The following THADA variants were observed in gnomAD, a reference collection of about 807,000 sequenced individuals.
The protein encoded by THADA is THADA armadillo repeat containing.
In THADA, 213 loss-of-function variants were observed where a neutral mutation model predicts 219.8. That is an observed-to-expected ratio of 0.97 (90% CI 0.87 to 1.09). The LOEUF is 1.09. THADA is among the 50% of genes least tolerant of loss of function. THADA has a pLI of 0.00. For synonymous variants in THADA, 1,018 were observed against 828.9 expected (o/e 1.23, Z -3.92); for missense variants, 2,956 against 2,311.3 (o/e 1.28, Z -5.72).
Position 43,442,840 on chromosome 2 carries a change from T to TA in THADA, c.3837-12539dup, listed in dbSNP as rs572333270. On this transcript the variant is annotated intron_variant, in intron 26 of 37. Coordinates refer to ENST00000405975, the MANE Select transcript of THADA (RefSeq NM_022065.5). ...TTCCATCAACATTCTATGCTCTCTCTACCCTCTAGATTGTGGCAAATATTG... is the reference window on the plus strand; with the variant it reads ...TTCCATCAACATTCTATGCTCTCTCTAACCCTCTAGATTGTGGCAAATATTG... Among the ~76,000 whole-genome samples the TA allele has an allele frequency of 4.1e-4, 62 of 152,322 alleles. No homozygotes were observed. The South Asian group carries it at 0.013, about 31-fold the overall frequency.
At chr2:43,335,211 C>T (rs1558598654) in intron 30 of THADA, among the ~76,000 whole-genome samples, 1 of 152,132 alleles carries the variant, frequency 6.6e-6, no homozygotes, top group Admixed American at 6.5e-5. Flanking sequence ...TTCTGAGAAT[C>T]ACTGTTCTAG....
intron 35 of THADA, 120 bp downstream of exon 35, chr2:43,286,778 GGAATATAACT>G: frequency 9.7e-7 from 1 of 1,026,446 alleles, no homozygotes; most frequent in Non-Finnish European, 1.4e-6. Flanking sequence ...TAAGACGGTA[GGAATATAACT>G]GAAAGACATA....
At chr2:43,371,055 C>T (rs1279704356) in intron 29 of THADA, among the ~76,000 whole-genome samples, 1 of 152,200 alleles carries the variant, frequency 6.6e-6, no homozygotes, top group African/African-American at 2.4e-5. Flanking sequence ...CACTGAAAAA[C>T]ATGCCCACAA....
Position 43,310,233 on chromosome 2 carries a change from C to A in THADA, c.4438+10213G>T, listed in dbSNP as rs568298631. Among the ~76,000 whole-genome samples, 5 of 127,224 alleles carry A rather than the reference C, an allele frequency of 3.9e-5. No homozygotes were observed. In the East Asian group the frequency reaches 1.4e-3, roughly 36 times the overall value. 83.5% of individuals were successfully genotyped at this position (127,224 alleles called of 152,430 possible). A position where few individuals can be genotyped will look rare whatever the true frequency, so the allele number is the denominator to read the frequency against. ...TCCCTCCCTCCCTTTCCCGCCCCCC[C>A]CCCAAACAAGCTGATCCTAAAATTC... On this transcript the variant is annotated intron_variant, in intron 31 of 37. Coordinates refer to ENST00000405975, the MANE Select transcript of THADA (RefSeq NM_022065.5).
chr2:43,378,289 T>C (rs72879251), intron 29 of THADA, among the ~76,000 whole-genome samples: 4,023 of 152,086 alleles, frequency 0.026, 107 homozygotes, highest in African/African-American at 0.073. Context: ...AGAAAATACA[T>C]CTGAGGAAAT....
At chr2:43,413,423 A>C (rs1301648956) in intron 28 of THADA, among the ~76,000 whole-genome samples, 2 of 152,238 alleles carry the variant, frequency 1.3e-5, no homozygotes. Context: ...GACAGAACCT[A>C]ATACAGCAGC....
At chr2:43,397,948 TCA>T (rs767084232) in intron 29 of THADA, 21 bp downstream of exon 29, 8 of 1,612,764 alleles carry the variant, frequency 5.0e-6, no homozygotes. Context: ...TTGACAGAAG[TCA>T]CACAAAGCAA....
rs1697926363 is a variant in THADA at position 43,560,464 on chromosome 2, A to G, written c.2312-79T>C. On this transcript the variant is annotated intron_variant, in intron 15 of 37. Transcript: ENST00000405975. ...CTTCTGAAGTTATTTGACCAAATTT[A>G]TAGAAAATAAGTACCAAAAAACCAC... 6 of 1,107,384 alleles carry G rather than the reference A, an allele frequency of 5.4e-6. No individual in the cohort carries two copies. In the South Asian group the frequency reaches 1.1e-4, roughly 21 times the overall value. The allele number at this position is 1,107,384 out of a possible 1,614,324, so 68.6% of individuals were successfully genotyped here. A position where few individuals can be genotyped will look rare whatever the true frequency, so the allele number is the denominator to read the frequency against.
chr2:43,474,313 A>G (rs1338541668), intron 26 of THADA, among the ~76,000 whole-genome samples: 1 of 152,214 alleles, frequency 6.6e-6, no homozygotes, highest in African/African-American at 2.4e-5. Context: ...TCCAGGTACA[A>G]TTACACAGTG....
chr2:43,431,610 C>T (rs1412541416), intron 26 of THADA, among the ~76,000 whole-genome samples: 6 of 142,346 alleles, frequency 4.2e-5, no homozygotes, highest in South Asian at 4.6e-4. Flanking sequence ...GGACTACAGG[C>T]GCCCGCCACC....
In THADA at chr2:43,551,902, C is replaced by T. The variant is rs975116508; in HGVS notation, c.2834G>A (p.Trp945Ter). 3.7e-6 allele frequency: 6 copies of T among 1,613,486 alleles called. No individual in the cohort carries two copies. The highest frequency in any genetic ancestry group is 5.1e-6 in the Non-Finnish European group (6 of 1,179,778). The part of the protein sequence containing the change: ...SLNSLQLVSE[W>*]RPVVEKLLLM... ...AAGGAGCTTCTCTACCACAGGTCTCCACTCGCTCACCAACTGCAGGCTGCT... is the reference window on the plus strand; with the variant it reads ...AAGGAGCTTCTCTACCACAGGTCTCTACTCGCTCACCAACTGCAGGCTGCT... Residue 945 changes from tryptophan (W) to a stop codon, truncating the protein, a stop_gained, in exon 19 of 38, where the codon TGG (tryptophan) becomes TAG (stop). Coordinates refer to ENST00000405975, the MANE Select transcript of THADA (RefSeq NM_022065.5). LOFTEE classifies it high-confidence loss of function.
At chr2:43,318,546 C>T (rs566647427) in intron 31 of THADA, among the ~76,000 whole-genome samples, 1 of 152,120 alleles carries the variant, frequency 6.6e-6, no homozygotes. Flanking sequence ...TTTGGACCAA[C>T]CACATCTCAA....
chr2:43,281,540 C>T (rs1673362655), intron 35 of THADA, among the ~76,000 whole-genome samples: 1 of 150,000 alleles, frequency 6.7e-6, no homozygotes, highest in African/African-American at 2.5e-5. Context: ...CTCCCAGGTT[C>T]AAGTGATTCT....
chr2:43,356,129 G>A (rs1668847075), intron 29 of THADA, among the ~76,000 whole-genome samples: 1 of 152,108 alleles, frequency 6.6e-6, no homozygotes, highest in Non-Finnish European at 1.5e-5. Context: ...TAGAAATTCT[G>A]CACGTGGAAG....
At chr2:43,523,248 C>A (rs1280732554) in intron 22 of THADA, among the ~76,000 whole-genome samples, 3 of 151,934 alleles carry the variant, frequency 2.0e-5, no homozygotes, top group Non-Finnish European at 4.4e-5. Flanking sequence ...ACCCGTAAGT[C>A]CTAGCTACTT....
At chr2:43,438,562 G>A (rs1024066041) in intron 26 of THADA, among the ~76,000 whole-genome samples, 1 of 152,148 alleles carries the variant, frequency 6.6e-6, no homozygotes, top group African/African-American at 2.4e-5. Flanking sequence ...GCTTGTACAA[G>A]CATATGCACA....
intron 36 of THADA, among the ~76,000 whole-genome samples, chr2:43,237,301 G>C (rs1485161373): frequency 6.6e-6 from 1 of 151,664 alleles, no homozygotes; most frequent in Non-Finnish European, 1.5e-5. Context: ...ACACACCTGC[G>C]AAAGAATGAC....
At chr2:43,417,043 T>TTC (rs1677075739) in intron 28 of THADA, among the ~76,000 whole-genome samples, 1 of 149,162 alleles carries the variant, frequency 6.7e-6, no homozygotes, top group Admixed American at 6.6e-5. Flanking sequence ...TTTTCTTTTT[T>TTC]TTTTTTTTTT....
chr2:43,560,476 T>C (rs1335756489), intron 15 of THADA, 91 bp from the exon 16 acceptor site: 1 of 983,094 alleles, frequency 1.0e-6, no homozygotes, highest in Admixed American at 3.5e-5. Context: ...AGAAAATAAG[T>C]ACCAAAAAAC....
Sources: allele counts gnomAD v4.1 joint callset (sites outside exome capture counted in the v4.1 genomes callset), GRCh38; gene constraint gnomAD v4.1.1; transcripts MANE v1.5; gene names NCBI Gene and HGNC (gene_info 2026-07-23, HGNC 2026-07-21).